Variants in PLXNC1 observed in about 807,000 individuals in gnomAD.
The protein encoded by PLXNC1 is plexin C1.
A neutral mutation model predicts 178.2 loss-of-function variants in PLXNC1; 75 were observed. That is an observed-to-expected ratio of 0.42 (90% confidence interval 0.35 to 0.51). PLXNC1 has a LOEUF of 0.51. PLXNC1 is among the 20% of genes least tolerant of loss of function. The pLI is 0.02. For missense variants in PLXNC1, 1,503 were observed against 1,984.4 expected, an observed-to-expected ratio of 0.76 and a Z score of 4.61; for synonymous variants, 790 against 779.9, an observed-to-expected ratio of 1.01 and a Z score of -0.22.
At chr12:94,197,782 G>C (rs149830203) in intron 4 of PLXNC1, among the ~76,000 whole-genome samples, 1 of 152,222 alleles carries the variant, frequency 6.6e-6, no homozygotes, top group African/African-American at 2.4e-5. Flanking sequence ...TAAGCCATTA[G>C]AGCAAAACAA....
chr12:94,227,033 A>T (rs1290513796), intron 8 of PLXNC1, 116 bp from the exon 9 acceptor site: 13 of 748,572 alleles, frequency 1.7e-5, no homozygotes, highest in Non-Finnish European at 2.3e-5. Context: ...CAAAAAAAAA[A>T]GGTTTAACCA....
intron 28 of PLXNC1, among the ~76,000 whole-genome samples, 195 bp from the exon 29 acceptor site, chr12:94,303,561 G>C (rs1461955109): frequency 6.6e-6 from 1 of 152,104 alleles, no homozygotes; most frequent in Non-Finnish European, 1.5e-5. Flanking sequence ...TGACTCACCA[G>C]AACTATCTAG....
chr12:94,233,670 G>A (rs776462492), intron 9 of PLXNC1, among the ~76,000 whole-genome samples: 16 of 152,270 alleles, frequency 1.1e-4, no homozygotes, highest in Admixed American at 2.0e-4. Flanking sequence ...CCTGTACCGA[G>A]GGGCCCCCGT....
At chr12:94,270,149 C>G (rs73228167) in intron 21 of PLXNC1, among the ~76,000 whole-genome samples, 18,049 of 152,230 alleles carry the variant, frequency 0.12, 1,279 homozygotes, top group African/African-American at 0.19. Flanking sequence ...AGATAGAAAG[C>G]ATTTTCCAGA....
At chr12:94,215,426 T>G (rs1963615750) in intron 5 of PLXNC1, among the ~76,000 whole-genome samples, 1 of 152,146 alleles carries the variant, frequency 6.6e-6, no homozygotes, top group Non-Finnish European at 1.5e-5. Flanking sequence ...TTTGAGTTAG[T>G]GTTTATTTAA....
intron 9 of PLXNC1, among the ~76,000 whole-genome samples, chr12:94,233,433 G>A (rs1964162936): frequency 6.6e-6 from 1 of 152,202 alleles, no homozygotes; most frequent in Non-Finnish European, 1.5e-5. Flanking sequence ...GCCACACTCA[G>A]AAGGCTCAAA....
chr12:94,199,242 C>T (rs1963034806), intron 4 of PLXNC1, among the ~76,000 whole-genome samples: 2 of 152,232 alleles, frequency 1.3e-5, no homozygotes, highest in Admixed American at 1.3e-4. Context: ...ACAGAAGAGC[C>T]TTCCTCCTTT....
chr12:94,230,423 A>G (rs11837441), intron 9 of PLXNC1, among the ~76,000 whole-genome samples: 14,354 of 152,222 alleles, frequency 0.094, 832 homozygotes, highest in African/African-American at 0.15. Flanking sequence ...GGTTAAAAGG[A>G]CTGGGGTCAC....
intron 1 of PLXNC1, 142 bp downstream of exon 1, chr12:94,150,175 G>T: frequency 1.4e-6 from 1 of 703,644 alleles, no homozygotes. Context: ...TCACACCGCG[G>T]GCGGCCGTCC....
chr12:94,255,301 AAG>A lies in PLXNC1; in HGVS notation c.3087+8_3087+9del. ...CTGAGAACTTTCTTCCCTGAGGTAAAAGAGCATTGATCATATTCCGAAGGTTG... is the reference window on the plus strand; with the variant it reads ...CTGAGAACTTTCTTCCCTGAGGTAAAAGCATTGATCATATTCCGAAGGTTG... On this transcript the variant is annotated splice_donor_region_variant and intron_variant, in intron 17 of 30. Coordinates refer to ENST00000258526, the MANE Select transcript of PLXNC1 (RefSeq NM_005761.3). The A allele has an allele frequency of 1.3e-6, 2 of 1,551,552 alleles. No individual in the cohort carries two copies. Among genetic ancestry groups the A allele is most frequent in the Middle Eastern group, 1.7e-4 (1 of 5,966 alleles).
chr12:94,175,382 C>G (rs761070597), intron 2 of PLXNC1, among the ~76,000 whole-genome samples: 2 of 151,944 alleles, frequency 1.3e-5, no homozygotes, highest in African/African-American at 4.8e-5. Flanking sequence ...TCATGGTAAT[C>G]GTAAAGAAAA....
Position 94,251,412 on chromosome 12 carries a change from C to T in PLXNC1, c.2779-14C>T, listed in dbSNP as rs777907322. Reference sequence around the variant, plus strand: ...CAACTCAATTGGGTCTAATGACATTCTTTGTCCCATCAGGTCAAGCTGGGA... The same window carrying T: ...CAACTCAATTGGGTCTAATGACATTTTTTGTCCCATCAGGTCAAGCTGGGA... On this transcript the variant is annotated splice_polypyrimidine_tract_variant and intron_variant, in intron 14 of 30. Transcript: ENST00000258526. 9 of 1,515,900 alleles carry T rather than the reference C, an allele frequency of 5.9e-6. No homozygotes were observed. In the Admixed American group the frequency reaches 1.5e-4, roughly 25 times the overall value. The allele number at this position is 1,515,900 out of a possible 1,614,324, so 93.9% of individuals were successfully genotyped here.
chr12:94,251,481 G>A lies in PLXNC1; in HGVS notation c.2834G>A (p.Trp945Ter), dbSNP rs886464883. ...GAGCAGGAGTCAGTTCCTTCCACAT[G>A]GTATTTTCTGATTGTGCTCCCTGTC... ...YVEQESVPST[W>*]YFLIVLPVLL... is the part of the protein sequence containing the mutation. The change falls in exon 15 of 31, where the codon TGG (tryptophan) becomes TAG (stop). Residue 945 changes from tryptophan (W) to a stop codon, truncating the protein, a stop_gained. Coordinates refer to ENST00000258526, the MANE Select transcript of PLXNC1 (RefSeq NM_005761.3). LOFTEE classifies it high-confidence loss of function. 2 of 1,613,296 alleles carry A rather than the reference G, an allele frequency of 1.2e-6. No individual in the cohort carries two copies. The highest frequency in any genetic ancestry group is 1.7e-6 in the Non-Finnish European group (2 of 1,179,392).
chr12:94,189,291 T>C (rs1291029560), intron 4 of PLXNC1, among the ~76,000 whole-genome samples: 1 of 152,176 alleles, frequency 6.6e-6, no homozygotes, highest in African/African-American at 2.4e-5. Flanking sequence ...CATATAATGA[T>C]GGCACTTGGG....
At chr12:94,251,369 GTAAA>G in intron 14 of PLXNC1, 53 bp from the exon 15 acceptor site, 1 of 1,010,730 alleles carries the variant, frequency 9.9e-7, no homozygotes, top group Admixed American at 1.8e-5. Context: ...GGGAAATTAT[GTAAA>G]TAAATACAGT....
rs61265662 is a variant in PLXNC1, at chr12:94,268,588, C to CTTTT, written c.3597+3384_3597+3387dup. Among the ~76,000 whole-genome samples, 78 of 90,878 alleles carry CTTTT rather than the reference C, an allele frequency of 8.6e-4. 1 individual carries two copies. Among genetic ancestry groups the CTTTT allele is most frequent in the African/African-American group, 3.4e-3 (73 of 21,728 alleles). 59.6% of individuals were successfully genotyped at this position (90,878 alleles called of 152,430 possible). ...TCAGACAGCTGGAAGAGAATAAGACCTTTTTTTTTTTTTTTTTTTTTTTTA... is the reference window on the plus strand; with the variant it reads ...TCAGACAGCTGGAAGAGAATAAGACCTTTTTTTTTTTTTTTTTTTTTTTTTTTTA... On this transcript the variant is annotated intron_variant, in intron 21 of 30. Transcript: ENST00000258526.
At chr12:94,169,390 C>A in intron 2 of PLXNC1, 97 bp downstream of exon 2, 1 of 1,034,686 alleles carries the variant, frequency 9.7e-7, no homozygotes, top group Non-Finnish European at 1.5e-6. Context: ...ATACATGAGA[C>A]CAAACCAAGA....
At chr12:94,300,520 T>C (rs554984289) in intron 27 of PLXNC1, among the ~76,000 whole-genome samples, 11 of 152,026 alleles carry the variant, frequency 7.2e-5, no homozygotes, top group Non-Finnish European at 1.5e-4. Context: ...CAGAGGGAGA[T>C]GGAGAGCCTC....
intron 11 of PLXNC1, among the ~76,000 whole-genome samples, chr12:94,241,328 C>T (rs1378020528): frequency 6.6e-6 from 1 of 152,078 alleles, no homozygotes; most frequent in Non-Finnish European, 1.5e-5. Context: ...GTATCCATCA[C>T]CTCAAGCACT....
Sources: allele counts gnomAD v4.1 joint callset (sites outside exome capture counted in the v4.1 genomes callset), GRCh38; gene constraint gnomAD v4.1.1; transcripts MANE v1.5; gene names NCBI Gene and HGNC (gene_info 2026-07-23, HGNC 2026-07-21).